SENP1: variants seen among roughly 807,000 people sequenced by gnomAD.
SENP1 encodes SUMO specific peptidase 1.
Under a neutral mutation model 93.0 loss-of-function variants are expected in SENP1, and 21 were observed. The observed-to-expected ratio is 0.23, with a 90% CI of 0.16 to 0.33. SENP1 has a LOEUF of 0.33. SENP1 is among the 10% of genes least tolerant of loss of function. SENP1 has a pLI of 1.00. For missense variants in SENP1, 591 were observed against 758.7 expected (o/e 0.78, Z 2.60); for synonymous variants, 256 against 259.6 (o/e 0.99, Z 0.13).
intron 1 of SENP1, among the ~76,000 whole-genome samples, chr12:48,102,767 G>A (rs1351171442): frequency 6.9e-6 from 1 of 145,800 alleles, no homozygotes; most frequent in Admixed American, 6.9e-5. Context: ...CCACGCCACT[G>A]GCCACTGCAC....
chr12:48,105,775 G>T, intron 1 of SENP1: 1 of 568,702 alleles, frequency 1.8e-6, no homozygotes, highest in Non-Finnish European at 3.2e-6. Context: ...GTCTCTCCGC[G>T]GCCCAGGAGA....
chr12:48,105,654 C>A (rs991248404), intron 1 of SENP1: 3 of 432,522 alleles, frequency 6.9e-6, no homozygotes, highest in Non-Finnish European at 1.3e-5. Context: ...GTGAAAACAG[C>A]TCTCCCCAGA....
At chr12:48,066,658 C>T (rs1394711619) in intron 10 of SENP1, among the ~76,000 whole-genome samples, 2 of 151,930 alleles carry the variant, frequency 1.3e-5, no homozygotes, top group Non-Finnish European at 2.9e-5. Context: ...ATTACAGGCG[C>T]GTGCCACCAT....
intron 13 of SENP1, among the ~76,000 whole-genome samples, chr12:48,060,988 G>C (rs1185520794): frequency 6.6e-6 from 1 of 152,034 alleles, no homozygotes; most frequent in Non-Finnish European, 1.5e-5. Context: ...TAACCAAACT[G>C]ACCTATAGAG....
intron 5 of SENP1, among the ~76,000 whole-genome samples, chr12:48,085,820 A>T (rs1018807889): frequency 1.3e-5 from 2 of 152,026 alleles, no homozygotes; most frequent in South Asian, 4.2e-4. Context: ...CTAGGAAAAG[A>T]TGGCAAGGGC....
intron 4 of SENP1, among the ~76,000 whole-genome samples, chr12:48,091,617 T>A (rs1945231178): frequency 1.3e-5 from 2 of 152,168 alleles, no homozygotes; most frequent in South Asian, 4.1e-4. Context: ...GAGAAGACAT[T>A]GATAATGATT....
At chr12:48,068,773 A>G (rs1043654386) in intron 9 of SENP1, among the ~76,000 whole-genome samples, 1 of 152,204 alleles carries the variant, frequency 6.6e-6, no homozygotes, top group Non-Finnish European at 1.5e-5. Flanking sequence ...ACAAGGTAGA[A>G]GGATGGAGGG....
intron 5 of SENP1, chr12:48,085,232 C>T: frequency 6.5e-7 from 1 of 1,548,474 alleles, no homozygotes; most frequent in Admixed American, 1.7e-5. Context: ...AATTTCTAAA[C>T]CGGGATGACA....
chr12:48,088,605 T>G, intron 5 of SENP1, 196 bp downstream of exon 5: 1 of 578,974 alleles, frequency 1.7e-6, no homozygotes, highest in Non-Finnish European at 3.0e-6. Context: ...TCTAGTAAGA[T>G]CTGGCTATCA....
At chr12:48,046,830 T>C (rs1592274631) in intron 16 of SENP1, 148 bp downstream of exon 16, 1 of 609,260 alleles carries the variant, frequency 1.6e-6, no homozygotes, top group Non-Finnish European at 2.9e-6. Context: ...TACGGATAGC[T>C]TAATTTATCC....
At chr12:48,046,499 C>G in intron 16 of SENP1, 48 bp from the exon 17 acceptor site, 2 of 1,267,562 alleles carry the variant, frequency 1.6e-6, no homozygotes, top group South Asian at 2.4e-5. Context: ...AGCTTCTTTC[C>G]TTCTTAGATT....
At chr12:48,066,157 C>T (rs1943277344) in intron 10 of SENP1, among the ~76,000 whole-genome samples, 1 of 151,960 alleles carries the variant, frequency 6.6e-6, no homozygotes, top group Non-Finnish European at 1.5e-5. Context: ...TGGGATTGAA[C>T]CCTAAAGGAG....
chr12:48,070,921 G>A (rs796613286), intron 9 of SENP1, among the ~76,000 whole-genome samples: 10 of 151,954 alleles, frequency 6.6e-5, no homozygotes, highest in African/African-American at 1.4e-4. Flanking sequence ...GCAAGATCCC[G>A]TCTCTACAAA....
In SENP1 at chr12:48,092,733, T is replaced by G. The variant is rs1945293933; in HGVS notation, c.220+3610A>C. On this transcript the variant is annotated intron_variant, in intron 4 of 17. Transcript: ENST00000549518. ...CAAGTGAGAGATGAAGCTTTTAGTG[T>G]AAGACTGTTGATATGGGAATCAACT... 2.0e-5 allele frequency among the ~76,000 whole-genome samples: 3 copies of G among 152,230 alleles called. No homozygotes were observed. The South Asian group carries it at 6.2e-4, about 31-fold the overall frequency.
intron 4 of SENP1, among the ~76,000 whole-genome samples, chr12:48,094,353 C>A (rs1289278639): frequency 1.3e-5 from 2 of 152,048 alleles, no homozygotes; most frequent in Non-Finnish European, 2.9e-5. Context: ...ACACTCCAAC[C>A]TGGGTGACAG....
chr12:48,082,097 G>A lies in SENP1; in HGVS notation c.552+1494C>T, dbSNP rs549550651. Among the ~76,000 whole-genome samples the A allele has an allele frequency of 5.3e-5, 8 of 151,538 alleles. No individual in the cohort carries two copies. The East Asian group carries it at 1.2e-3, about 22-fold the overall frequency. ...GTAGAGACAGGGTTTCACTGTATTAGCCAGGATGGTCTTCATCTCCTGACC... is the reference window on the plus strand; with the variant it reads ...GTAGAGACAGGGTTTCACTGTATTAACCAGGATGGTCTTCATCTCCTGACC... On this transcript the variant is annotated intron_variant, in intron 6 of 17. Coordinates refer to ENST00000549518, the MANE Select transcript of SENP1 (RefSeq NM_001267594.2).
In SENP1 at chr12:48,043,877, A is replaced by G. The variant is rs960828617; in HGVS notation, c.*1445T>C. 7.2e-5 allele frequency: 11 copies of G among 152,684 alleles called. No homozygotes were observed. Among genetic ancestry groups the G allele is most frequent in the Non-Finnish European group, 1.5e-4 (10 of 68,054 alleles). 9.5% of individuals were successfully genotyped at this position (152,684 alleles called of 1,614,324 possible). ...GTAAAATTTTCAAATAAGCCCAGGG[A>G]AAAAGCACAATGCTGGAAAGAATGC... On this transcript the variant is annotated 3_prime_UTR_variant, in exon 18 of 18. Transcript: ENST00000549518.
At chr12:48,085,582 C>T (rs1451939162) in intron 5 of SENP1, among the ~76,000 whole-genome samples, 2 of 152,044 alleles carry the variant, frequency 1.3e-5, no homozygotes, top group South Asian at 2.1e-4. Context: ...TTCTAGGTTG[C>T]TGGGGCTCTG....
intron 4 of SENP1, among the ~76,000 whole-genome samples, chr12:48,094,385 A>G (rs1365179685): frequency 6.6e-6 from 1 of 152,184 alleles, no homozygotes; most frequent in African/African-American, 2.4e-5. Context: ...GTCTCAAAAA[A>G]AAATTAAAAA....
Sources: gnomAD v4.1 joint callset for allele counts (sites outside exome capture counted in the v4.1 genomes callset) on GRCh38, gnomAD v4.1.1 for gene constraint, MANE v1.5 for transcripts, NCBI Gene and HGNC (gene_info 2026-07-23, HGNC 2026-07-21) for gene names.